The following FYCO1 variants were observed in gnomAD, a reference collection of about 807,000 sequenced individuals.
FYCO1 encodes the protein FYVE and coiled-coil domain-containing protein 1.
A neutral mutation model predicts 165.1 loss-of-function variants in FYCO1; 122 were observed. The ratio of observed to expected loss-of-function variants is 0.74; its 90% CI spans 0.64 to 0.86. FYCO1 has a LOEUF of 0.86. FYCO1 is among the 40% of genes least tolerant of loss of function. The probability of loss-of-function intolerance (pLI) is 0.00; values close to 1 mark genes in which losing one functional copy is unlikely to be tolerated. For missense variants in FYCO1, 1,702 were observed against 1,810.3 expected (o/e 0.94, Z 1.09); for synonymous variants, 648 against 742.5 (o/e 0.87, Z 2.07).
At chr3:45,935,417 G>C (rs1466216675) in intron 15 of FYCO1, among the ~76,000 whole-genome samples, 2 of 152,190 alleles carry the variant, frequency 1.3e-5, no homozygotes, top group Non-Finnish European at 2.9e-5. Context: ...GGCCCTATGT[G>C]CTGGGACCCT....
rs747093432 is a variant in FYCO1, at chr3:45,962,333, CAG to C, written c.3327_3328del (p.Cys1110ProfsTer7). 1.9e-4 allele frequency: 304 copies of C among 1,613,988 alleles called. No homozygotes were observed. The highest frequency in any genetic ancestry group is 2.3e-4 in the Non-Finnish European group (276 of 1,179,964). On this transcript the variant is annotated frameshift_variant, in exon 11 of 18. Coordinates refer to ENST00000296137, the MANE Select transcript of FYCO1 (RefSeq NM_024513.4). LOFTEE classifies it high-confidence loss of function. This position sits in a 1 kb window ranked among gnomAD's most constrained non-coding sequence, Gnocchi z 4.4. ...CCTCTCACGATTTGTCACCTCCTGG[CAG>C]AGTTTGTTGTAATACTCTTGGATTT...
At position 45,988,546 on chromosome 3, in the gene FYCO1, C is replaced by T. The variant is rs558762885; in HGVS notation, c.-112-3524G>A. Among the ~76,000 whole-genome samples, 4 of 152,350 alleles carry T rather than the reference C, an allele frequency of 2.6e-5. No individual in the cohort carries two copies. The South Asian group carries it at 8.3e-4, about 32-fold the overall frequency. ...CGTAAGGACTCCAGGACTCACACAC[C>T]TCACAGGGCCCCCAGTGTGCCAATC... is the stretch of plus-strand genomic sequence containing the variant. On this transcript the variant is annotated intron_variant, in intron 1 of 17. Coordinates refer to ENST00000296137, the MANE Select transcript of FYCO1 (RefSeq NM_024513.4).
chr3:45,966,918 G>T lies in FYCO1; in HGVS notation c.2416C>A (p.Gln806Lys). The change falls in exon 8 of 18, where the codon CAG (glutamine) becomes AAG (lysine). Residue 806 changes from glutamine to lysine, a missense_variant. By Grantham distance (53) the Gln-to-Lys change is moderately conservative. Transcript: ENST00000296137. ...CTTAGCTGGCTCTGCACCTTGTCCT[G>T]GTCATCCAGGGCTGCCCGCATCTTG... ...QAKMRAALDDQDKVQSQLSMA... is the reference protein window; with the variant it reads ...QAKMRAALDDKDKVQSQLSMA... 1 of 1,613,714 alleles carries T rather than the reference G, an allele frequency of 6.2e-7. No homozygotes were observed. The highest frequency in any genetic ancestry group is 8.5e-7 in the Non-Finnish European group (1 of 1,180,040).
chr3:45,989,100 C>T (rs1030218490), intron 1 of FYCO1, among the ~76,000 whole-genome samples: 1 of 152,102 alleles, frequency 6.6e-6, no homozygotes, highest in Non-Finnish European at 1.5e-5. Context: ...AGGTTGGAGG[C>T]GTGGAAGTCA....
At chr3:45,950,449 G>A (rs1451783713) in intron 14 of FYCO1, among the ~76,000 whole-genome samples, 1 of 152,052 alleles carries the variant, frequency 6.6e-6, no homozygotes, top group African/African-American at 2.4e-5. Context: ...TAGGTGTTCT[G>A]GACTGAGGAG....
At chr3:45,978,223 A>G (rs1237532104) in intron 4 of FYCO1, among the ~76,000 whole-genome samples, 1 of 152,250 alleles carries the variant, frequency 6.6e-6, no homozygotes, top group Non-Finnish European at 1.5e-5. Context: ...GTCCAAAGTC[A>G]TAAAGTTAAA....
At position 45,964,528 on chromosome 3, in the gene FYCO1, GC is replaced by G. The variant is rs1445220694; in HGVS notation, c.3151-75del. On this transcript the variant is annotated intron_variant, in intron 9 of 17. Transcript: ENST00000296137. The surrounding 1 kb of genome is among the most constrained non-coding windows in gnomAD (Gnocchi z 4.1). ...CAACGTACCATAAAGTGGCTGGTGT[GC>G]CATCCACCCCATCTGGCTGGGTCAC... 1.7e-5 allele frequency: 28 copies of G among 1,600,248 alleles called. No homozygotes were observed. Among genetic ancestry groups the G allele is most frequent in the Non-Finnish European group, 2.3e-5 (27 of 1,174,196 alleles).
intron 14 of FYCO1, chr3:45,946,483 T>C: frequency 3.1e-6 from 5 of 1,611,886 alleles, no homozygotes; most frequent in East Asian, 2.2e-5. Context: ...ACAGACACCA[T>C]GGCAGAGCAT....
rs765209902 is a variant in FYCO1 at position 45,979,784 on chromosome 3, T to A, written c.209A>T (p.Tyr70Phe). The A allele has an allele frequency of 2.7e-5, 43 of 1,613,752 alleles. No homozygotes were observed. Among genetic ancestry groups the A allele is most frequent in the Admixed American group, 3.3e-5 (2 of 59,998 alleles). ...CAGGCAGGCACAGAAGTAATCCCAGTAGTCCTTCTTGTTGCCCAGGAGGGT... is the reference window on the plus strand; with the variant it reads ...CAGGCAGGCACAGAAGTAATCCCAGAAGTCCTTCTTGTTGCCCAGGAGGGT... Reference protein sequence around the residue: ...KATLLGNKKDYWDYFCACLAK... With the variant: ...KATLLGNKKDFWDYFCACLAK... The change falls in exon 4 of 18, where the codon TAC becomes TTC. Residue 70 changes from tyrosine to phenylalanine, a missense_variant. Physicochemically the swap from Tyr to Phe is conservative, Grantham distance 22. Transcript: ENST00000296137.
At chr3:45,947,685 T>C (rs1704719897) in intron 14 of FYCO1, 1 of 612,136 alleles carries the variant, frequency 1.6e-6, no homozygotes, top group South Asian at 2.2e-5. Flanking sequence ...GTTCTCTTCT[T>C]GAACACTCAT....
At chr3:45,976,450 C>T (rs1706765853) in intron 4 of FYCO1, among the ~76,000 whole-genome samples, 1 of 152,152 alleles carries the variant, frequency 6.6e-6, no homozygotes, top group African/African-American at 2.4e-5. Context: ...ATAGGTCAGC[C>T]CAGAAACTCA....
intron 11 of FYCO1, among the ~76,000 whole-genome samples, chr3:45,960,265 C>A (rs1705614629): frequency 6.6e-6 from 1 of 152,202 alleles, no homozygotes; most frequent in African/African-American, 2.4e-5. Context: ...CCCCAGCTAG[C>A]ATCCTCAGGG....
Position 45,962,497 on chromosome 3 carries a change from A to G in FYCO1, c.3270-105T>C, listed in dbSNP as rs1705761210. ...ATGAGGGGTGCTACTGCCCTCCGCC[A>G]TGGGGGAGCCCCTTGGTATCTGCTC... On this transcript the variant is annotated intron_variant, in intron 10 of 17. Transcript: ENST00000296137. The surrounding 1 kb of genome is among the most constrained non-coding windows in gnomAD (Gnocchi z 4.4). 4.9e-6 allele frequency: 5 copies of G among 1,020,664 alleles called. No individual in the cohort carries two copies. Among genetic ancestry groups the G allele is most frequent in the African/African-American group, 1.6e-5 (1 of 63,140 alleles). The allele number at this position is 1,020,664 out of a possible 1,614,324, so 63.2% of individuals were successfully genotyped here.
In FYCO1 at chr3:45,923,685, G is replaced by A. The variant is rs1244240501; in HGVS notation, c.4332C>T (p.Tyr1444=). 3.7e-6 allele frequency: 6 copies of A among 1,613,944 alleles called. No individual in the cohort carries two copies. The highest frequency in any genetic ancestry group is 1.1e-5 in the South Asian group (1 of 91,084). Residue 1444 remains tyrosine, a synonymous_variant, in exon 17 of 18, where the codon TAC becomes TAT. Transcript: ENST00000296137. ...GQLKVRTPGI[Y]MLIFDNTFSR... ...AGAAGGTATTGTCGAAGATGAGCAT[G>A]TAGATGCCGGGTGTGCGAACCTTGA...
chr3:45,946,762 A>T, intron 14 of FYCO1: 1 of 1,614,192 alleles, frequency 6.2e-7, no homozygotes, highest in African/African-American at 1.3e-5. Flanking sequence ...GGCATCCATG[A>T]ATGGGTGTTT....
At chr3:45,960,634 A>G (rs1705651036) in intron 11 of FYCO1, among the ~76,000 whole-genome samples, 1 of 152,186 alleles carries the variant, frequency 6.6e-6, no homozygotes, top group Non-Finnish European at 1.5e-5. Flanking sequence ...TTAAACTTTC[A>G]AATTGGTTAT....
Position 45,931,800 on chromosome 3 carries a change from T to C in FYCO1, c.4041-519A>G, listed in dbSNP as rs146280363. Among the ~76,000 whole-genome samples, 68 of 152,326 alleles carry C rather than the reference T, an allele frequency of 4.5e-4. 1 individual carries two copies. Among genetic ancestry groups the C allele is most frequent in the African/African-American group, 1.6e-3 (68 of 41,572 alleles). The stretch of plus-strand genomic sequence containing the variant: ...GCTGCATCTGGCGTCCATTGTAAGA[T>C]TCCACATGGACACCCTGACCTTTCC... On this transcript the variant is annotated intron_variant, in intron 15 of 17. Transcript: ENST00000296137.
At position 45,962,405 on chromosome 3, in the gene FYCO1, T is replaced by G; in HGVS notation, c.3270-13A>C. 1 of 1,611,762 alleles carries G rather than the reference T, an allele frequency of 6.2e-7. No individual in the cohort carries two copies. Among genetic ancestry groups the G allele is most frequent in the South Asian group, 1.1e-5 (1 of 90,982 alleles). On this transcript the variant is annotated splice_polypyrimidine_tract_variant and intron_variant, in intron 10 of 17. Transcript: ENST00000296137. This position sits in a 1 kb window ranked among gnomAD's most constrained non-coding sequence, Gnocchi z 4.4. ...TTCCTTCTGGGTCCTGGGGGAGGAG[T>G]GGTAAGTTTTCTTGATTAGCCAGGA...
chr3:45,947,814 G>A, intron 14 of FYCO1: 1 of 363,262 alleles, frequency 2.8e-6, no homozygotes, highest in South Asian at 3.7e-5. Flanking sequence ...CTCCTTGATT[G>A]GGACTGGGGC....
Sources: gnomAD v4.1 joint callset for allele counts (sites outside exome capture counted in the v4.1 genomes callset) on GRCh38, gnomAD v4.1.1 for gene constraint, Gnocchi (gnomAD v3.1) non-coding constraint, MANE v1.5 for transcripts, NCBI Gene and HGNC (gene_info 2026-07-23, HGNC 2026-07-21) for gene names.